PLXDC2: variants seen among roughly 807,000 people sequenced by gnomAD.
PLXDC2 encodes plexin domain containing 2.
A neutral mutation model predicts 68.9 loss-of-function variants in PLXDC2; 40 were observed. That is an observed-to-expected ratio of 0.58 (90% CI 0.45 to 0.76). The LOEUF (loss-of-function observed/expected upper bound fraction) is 0.76, where lower values mean the gene tolerates loss of function less well. Among genes scored for constraint, PLXDC2 ranks in the 30% least tolerant of loss-of-function variants. The pLI is 0.00. For synonymous variants in PLXDC2, 243 were observed against 234.2 expected, an observed-to-expected ratio of 1.04 and a Z score of -0.34; for missense variants, 644 against 661.9, an observed-to-expected ratio of 0.97 and a Z score of 0.30.
intron 4 of PLXDC2, among the ~76,000 whole-genome samples, chr10:20,086,022 C>T (rs970986079): frequency 6.6e-6 from 1 of 152,168 alleles, no homozygotes; most frequent in Admixed American, 6.5e-5. Flanking sequence ...TTGACAAATT[C>T]AGATTTAGAC....
chr10:19,986,083 A>AAATG (rs947205551), intron 1 of PLXDC2, among the ~76,000 whole-genome samples: 29 of 152,334 alleles, frequency 1.9e-4, no homozygotes, highest in African/African-American at 5.1e-4. Context: ...GATTAAGAAG[A>AAATG]AATGAATGAA....
intron 6 of PLXDC2, among the ~76,000 whole-genome samples, chr10:20,159,798 G>A (rs1834266994): frequency 6.6e-6 from 1 of 152,096 alleles, no homozygotes; most frequent in Admixed American, 6.5e-5. Flanking sequence ...ACATGTGCCG[G>A]TACATCTACC....
chr10:19,872,253 C>T (rs989650466), intron 1 of PLXDC2, among the ~76,000 whole-genome samples: 1 of 152,202 alleles, frequency 6.6e-6, no homozygotes, highest in African/African-American at 2.4e-5. Context: ...CAGCCCAGGC[C>T]ATTTCATCCC....
At chr10:20,040,243 C>T (rs139566524) in intron 2 of PLXDC2, among the ~76,000 whole-genome samples, 201 of 152,218 alleles carry the variant, frequency 1.3e-3, no homozygotes, top group Middle Eastern at 3.4e-3. Context: ...CATTACCACT[C>T]GCCAGTTTCC....
At chr10:20,022,114 G>A (rs546412954) in intron 2 of PLXDC2, among the ~76,000 whole-genome samples, 1 of 152,266 alleles carries the variant, frequency 6.6e-6, no homozygotes, top group African/African-American at 2.4e-5. Flanking sequence ...ATTTACTCTC[G>A]GATTCTCCTC....
intron 1 of PLXDC2, among the ~76,000 whole-genome samples, chr10:19,889,680 A>G (rs1837914912): frequency 6.6e-6 from 1 of 152,220 alleles, no homozygotes; most frequent in Non-Finnish European, 1.5e-5. Context: ...ACCTTGGAAT[A>G]TTGCAACTTT....
intron 9 of PLXDC2, among the ~76,000 whole-genome samples, chr10:20,206,198 A>T (rs1834989205): frequency 6.6e-6 from 1 of 152,156 alleles, no homozygotes; most frequent in Non-Finnish European, 1.5e-5. Context: ...AAGAAAAATA[A>T]CTTATCTAAG....
At chr10:20,082,945 A>ATG (rs1191647575) in intron 4 of PLXDC2, among the ~76,000 whole-genome samples, 2 of 148,080 alleles carry the variant, frequency 1.4e-5, no homozygotes, top group Non-Finnish European at 3.0e-5. Flanking sequence ...ATATATGTAC[A>ATG]TATATGTATG....
chr10:20,069,709 T>C (rs1299628100), intron 4 of PLXDC2, among the ~76,000 whole-genome samples: 1 of 152,108 alleles, frequency 6.6e-6, no homozygotes, highest in East Asian at 1.9e-4. Context: ...CATGCATCTG[T>C]AGTCTCAGCT....
At chr10:20,068,418 C>T (rs191476943) in intron 4 of PLXDC2, among the ~76,000 whole-genome samples, 179 bp downstream of exon 4, 28 of 151,816 alleles carry the variant, frequency 1.8e-4, no homozygotes, top group Middle Eastern at 3.4e-3. Context: ...AACTTCTCAG[C>T]AGACAAAAAA....
intron 2 of PLXDC2, among the ~76,000 whole-genome samples, chr10:20,040,337 T>C (rs755577465): frequency 6.6e-6 from 1 of 152,110 alleles, no homozygotes; most frequent in Non-Finnish European, 1.5e-5. Flanking sequence ...AGATTTTTGG[T>C]GTCCTTGGCT....
intron 2 of PLXDC2, among the ~76,000 whole-genome samples, chr10:20,012,336 G>GTTT (rs1564656425): frequency 0.12 from 4,125 of 33,154 alleles, 1,550 homozygotes; most frequent in African/African-American, 0.19. Context: ...TTTTTTTTTG[G>GTTT]AGAAGGAGAC....
chr10:20,172,908 C>A (rs1284751584), intron 7 of PLXDC2, among the ~76,000 whole-genome samples: 1 of 152,100 alleles, frequency 6.6e-6, no homozygotes, highest in South Asian at 2.1e-4. Flanking sequence ...TATTGAATGC[C>A]TAATGACATT....
intron 1 of PLXDC2, among the ~76,000 whole-genome samples, chr10:19,889,696 A>G (rs1273855912): frequency 6.6e-6 from 1 of 152,178 alleles, no homozygotes; most frequent in Non-Finnish European, 1.5e-5. Flanking sequence ...ACTTTAAGAG[A>G]TAGTGTGTTT....
chr10:19,894,335 A>G (rs1444404128), intron 1 of PLXDC2, among the ~76,000 whole-genome samples: 1 of 150,904 alleles, frequency 6.6e-6, no homozygotes, highest in Non-Finnish European at 1.5e-5. Context: ...AAACTTTTCT[A>G]TGACATACCG....
At chr10:19,851,089 A>G (rs1230162493) in intron 1 of PLXDC2, among the ~76,000 whole-genome samples, 2 of 152,194 alleles carry the variant, frequency 1.3e-5, no homozygotes, top group Non-Finnish European at 2.9e-5. Flanking sequence ...ATTTTATGAC[A>G]TTGATAAGGG....
At chr10:20,074,158 A>G (rs1025167712) in intron 4 of PLXDC2, among the ~76,000 whole-genome samples, 42 of 152,182 alleles carry the variant, frequency 2.8e-4, no homozygotes, top group Admixed American at 2.6e-4. Context: ...TTAAAAGCTA[A>G]TAATGAATGT....
intron 2 of PLXDC2, among the ~76,000 whole-genome samples, 175 bp from the exon 3 acceptor site, chr10:20,046,694 A>G (rs1029523828): frequency 6.6e-6 from 1 of 151,964 alleles, no homozygotes; most frequent in Admixed American, 6.6e-5. Context: ...TACAGTTCGT[A>G]TGTGTGTGTG....
chr10:19,834,363 G>T (rs1322966752), intron 1 of PLXDC2, among the ~76,000 whole-genome samples: 1 of 151,908 alleles, frequency 6.6e-6, no homozygotes, highest in Non-Finnish European at 1.5e-5. Flanking sequence ...GAGTGTGTGT[G>T]TGTCTGTGTG....
Sources: allele counts gnomAD v4.1 joint callset (sites outside exome capture counted in the v4.1 genomes callset), GRCh38; gene constraint gnomAD v4.1.1; transcripts MANE v1.5; gene names NCBI Gene and HGNC (gene_info 2026-07-23, HGNC 2026-07-21).